Variants in SIPA1L1 observed in about 807,000 individuals in gnomAD.
SIPA1L1 encodes signal induced proliferation associated 1 like 1.
Under a neutral mutation model 162.7 loss-of-function variants are expected in SIPA1L1, and 26 were observed. The observed-to-expected ratio is 0.16, with a 90% CI of 0.12 to 0.22. The LOEUF (loss-of-function observed/expected upper bound fraction) is 0.22, where lower values mean the gene tolerates loss of function less well. Among genes scored for constraint, SIPA1L1 ranks in the 10% least tolerant of loss-of-function variants. SIPA1L1 has a pLI of 1.00. For synonymous variants in SIPA1L1, 829 were observed against 837.4 expected (o/e 0.99, Z 0.17); for missense variants, 1,874 against 2,241.0 (o/e 0.84, Z 3.31).
intron 7 of SIPA1L1, among the ~76,000 whole-genome samples, chr14:71,625,838 AG>A (rs1484520609): frequency 6.6e-6 from 1 of 152,216 alleles, no homozygotes; most frequent in Non-Finnish European, 1.5e-5. Context: ...TTTTATGTAA[AG>A]GAGATAGTTA....
chr14:71,520,755 A>T (rs2052252591), intron 3 of SIPA1L1, among the ~76,000 whole-genome samples: 1 of 150,868 alleles, frequency 6.6e-6, no homozygotes, highest in South Asian at 2.1e-4. Flanking sequence ...TTCTTTCCTT[A>T]TTATTATTTA....
intron 2 of SIPA1L1, among the ~76,000 whole-genome samples, chr14:71,350,455 C>T (rs552957153): frequency 6.6e-6 from 1 of 152,222 alleles, no homozygotes; most frequent in Non-Finnish European, 1.5e-5. Context: ...ATTGGCCTTA[C>T]CCGATTGGCC....
Position 71,671,535 on chromosome 14 carries a change from A to T in SIPA1L1, c.2672A>T (p.Glu891Val). The T allele has an allele frequency of 6.2e-7, 1 of 1,614,212 alleles. No homozygotes were observed. Among genetic ancestry groups the T allele is most frequent in the Non-Finnish European group, 8.5e-7 (1 of 1,180,032 alleles). Residue 891 changes from glutamate to valine, a missense_variant, in exon 11 of 24, where the codon GAA becomes GTA. Transcript: ENST00000381232. ...GAGTTCATTGTGCTCATTGAACAGG[A>T]AACAAAGAGCGTGGTCTTCAATTGT... ...SNEFIVLIEQ[E>V]TKSVVFNCSC...
At chr14:71,645,834 G>T (rs1343945338) in intron 7 of SIPA1L1, among the ~76,000 whole-genome samples, 1 of 152,148 alleles carries the variant, frequency 6.6e-6, no homozygotes, top group African/African-American at 2.4e-5. Flanking sequence ...CCACAAGAAG[G>T]TTCTCAGAGA....
chr14:71,546,376 C>CTTTTTTTTTTTTTTTTTTTTTTTTTTTT (rs11480749), intron 4 of SIPA1L1, among the ~76,000 whole-genome samples: 1 of 116,936 alleles, frequency 8.6e-6, no homozygotes, highest in Admixed American at 1.1e-4. Flanking sequence ...CTTTTTCTTT[C>CTTTTTTTTTTTTTTTTTTTTTTTTTTTT]TTTTTTTTTT....
rs544953433 is a variant in SIPA1L1, at chr14:71,443,899, C to A, written c.-464-68844C>A. Among the ~76,000 whole-genome samples, 5 of 152,336 alleles carry A rather than the reference C, an allele frequency of 3.3e-5. No individual in the cohort carries two copies. The East Asian group carries it at 7.7e-4, about 24-fold the overall frequency. Reference sequence around the variant, plus strand: ...TGCAAATAACTTGCATAGGAATCCCCCTCTCCACAGGTCTGTGGAGTACAT... The same window carrying A: ...TGCAAATAACTTGCATAGGAATCCCACTCTCCACAGGTCTGTGGAGTACAT... On this transcript the variant is annotated intron_variant, in intron 2 of 23. Coordinates refer to ENST00000381232, the MANE Select transcript of SIPA1L1 (RefSeq NM_001386936.1).
intron 7 of SIPA1L1, 25 bp downstream of exon 7, chr14:71,624,261 C>G: frequency 6.3e-7 from 1 of 1,574,880 alleles, no homozygotes; most frequent in Non-Finnish European, 8.7e-7. Context: ...CTGAGGAGAG[C>G]ATTCTTGCTC....
chr14:71,640,760 G>T (rs529352318), intron 7 of SIPA1L1, among the ~76,000 whole-genome samples: 3 of 152,264 alleles, frequency 2.0e-5, no homozygotes, highest in African/African-American at 7.2e-5. Flanking sequence ...GCAGAGCTGG[G>T]ATTACAAGTG....
intron 2 of SIPA1L1, among the ~76,000 whole-genome samples, chr14:71,398,635 A>T (rs577502785): frequency 4.6e-5 from 7 of 152,212 alleles, no homozygotes; most frequent in African/African-American, 1.7e-4. Context: ...GACTGATAGC[A>T]CACAAGTTCA....
chr14:71,481,620 G>T (rs923516715), intron 2 of SIPA1L1, among the ~76,000 whole-genome samples: 7 of 152,220 alleles, frequency 4.6e-5, no homozygotes, highest in Non-Finnish European at 7.3e-5. Flanking sequence ...CAGACAGCTG[G>T]TGAAAAACAA....
intron 12 of SIPA1L1, among the ~76,000 whole-genome samples, chr14:71,674,634 G>A (rs964815251): frequency 1.2e-4 from 18 of 148,412 alleles, no homozygotes; most frequent in African/African-American, 3.5e-4. Flanking sequence ...GCGGGGTCTC[G>A]GCTCACTGCA....
At chr14:71,367,285 G>A (rs1230122333) in intron 2 of SIPA1L1, among the ~76,000 whole-genome samples, 2 of 149,278 alleles carry the variant, frequency 1.3e-5, no homozygotes, top group African/African-American at 4.9e-5. Flanking sequence ...TTATAAAAAA[G>A]CTAATGAACA....
intron 5 of SIPA1L1, among the ~76,000 whole-genome samples, chr14:71,604,540 A>ATT (rs763540022): frequency 6.7e-6 from 1 of 150,340 alleles, no homozygotes; most frequent in East Asian, 1.9e-4. Flanking sequence ...TCACTTAAGC[A>ATT]TTTTTTTTTA....
intron 2 of SIPA1L1, among the ~76,000 whole-genome samples, chr14:71,376,503 C>A (rs1054177010): frequency 1.4e-5 from 2 of 147,452 alleles, no homozygotes; most frequent in African/African-American, 5.0e-5. Flanking sequence ...AATCAGGCAA[C>A]TTTTTTTTTT....
intron 4 of SIPA1L1, among the ~76,000 whole-genome samples, chr14:71,543,954 C>T (rs1338169479): frequency 1.5e-4 from 22 of 146,976 alleles, no homozygotes; most frequent in African/African-American, 5.3e-4. Context: ...TACATATACG[C>T]ACATGTATGT....
intron 2 of SIPA1L1, among the ~76,000 whole-genome samples, chr14:71,367,902 G>A (rs1045355864): frequency 4.7e-5 from 7 of 147,888 alleles, no homozygotes; most frequent in Admixed American, 2.0e-4. Context: ...CCAGCGTGCC[G>A]GCCTTCCTTT....
chr14:71,682,212 G>C (rs1399736916), intron 12 of SIPA1L1, among the ~76,000 whole-genome samples: 1 of 152,196 alleles, frequency 6.6e-6, no homozygotes. Flanking sequence ...TTGCTGTAAA[G>C]TGGCTAAATT....
At chr14:71,595,667 C>T (rs1187341394) in intron 5 of SIPA1L1, among the ~76,000 whole-genome samples, 1 of 152,206 alleles carries the variant, frequency 6.6e-6, no homozygotes, top group Non-Finnish European at 1.5e-5. Context: ...GCATTTCTCA[C>T]CAGCTGTTAA....
intron 5 of SIPA1L1, among the ~76,000 whole-genome samples, chr14:71,592,345 A>C (rs2147749205): frequency 6.6e-6 from 1 of 152,344 alleles, no homozygotes; most frequent in Non-Finnish European, 1.5e-5. Context: ...ACATTTTAAA[A>C]ATTGTTGTTT....
Sources: allele counts gnomAD v4.1 joint callset (sites outside exome capture counted in the v4.1 genomes callset), GRCh38; gene constraint gnomAD v4.1.1; transcripts MANE v1.5; gene names NCBI Gene and HGNC (gene_info 2026-07-23, HGNC 2026-07-21).